COL6A6: variants seen among roughly 807,000 people sequenced by gnomAD.
The protein encoded by COL6A6 is collagen alpha-6(VI) chain.
In COL6A6, 183 loss-of-function variants were observed where a neutral mutation model predicts 208.6. The observed-to-expected ratio is 0.88, with a 90% CI of 0.78 to 0.99. The LOEUF (loss-of-function observed/expected upper bound fraction) is 0.99. Ranked by LOEUF, COL6A6 falls within the 50% of genes least tolerant of loss-of-function variation. COL6A6 has a pLI of 0.00. For synonymous variants in COL6A6, 973 were observed against 1,011.8 expected (o/e 0.96, Z 0.73); for missense variants, 2,816 against 2,815.2 (o/e 1.00, Z -0.01).
chr3:130,567,255 T>C lies in COL6A6; in HGVS notation c.1836T>C (p.Thr612=). Residue 612 remains threonine, a synonymous_variant, in exon 5 of 37, where the codon ACT becomes ACC. Transcript: ENST00000358511. The part of the protein sequence containing the change: ...IRNQVVQEIC[T]EEACKEMKAD... ...ACCAAGTTGTTCAAGAAATCTGTACTGAAGAAGGTAAGAGAAATCGTGGCT... is the reference window on the plus strand; with the variant it reads ...ACCAAGTTGTTCAAGAAATCTGTACCGAAGAAGGTAAGAGAAATCGTGGCT... The C allele has an allele frequency of 1.9e-6, 3 of 1,602,036 alleles. No homozygotes were observed. The highest frequency in any genetic ancestry group is 1.7e-6 in the Non-Finnish European group (2 of 1,172,754).
At chr3:130,552,773 G>A (rs898385950) in intron 1 of COL6A6, among the ~76,000 whole-genome samples, 1 of 152,068 alleles carries the variant, frequency 6.6e-6, no homozygotes. Context: ...GTGTTTTTGT[G>A]GTAGCCAGTA....
intron 19 of COL6A6, among the ~76,000 whole-genome samples, chr3:130,598,727 TAGAA>T (rs1423606374): frequency 1.3e-5 from 2 of 152,200 alleles, no homozygotes; most frequent in South Asian, 2.1e-4. Flanking sequence ...GGCTAGCTGA[TAGAA>T]AGAACTGTGC....
intron 1 of COL6A6, among the ~76,000 whole-genome samples, chr3:130,530,263 A>G (rs973912806): frequency 1.3e-5 from 2 of 151,544 alleles, no homozygotes; most frequent in Non-Finnish European, 2.9e-5. Context: ...AGTTGATAAA[A>G]ATACCGTCTG....
At chr3:130,621,719 T>C in intron 23 of COL6A6, 102 bp from the exon 24 acceptor site, 1 of 931,534 alleles carries the variant, frequency 1.1e-6, no homozygotes, top group Non-Finnish European at 1.7e-6. Context: ...CAGCCATAAC[T>C]CTTCTCTCGT....
At chr3:130,592,799 T>C in intron 15 of COL6A6, 77 bp downstream of exon 15, 2 of 1,333,038 alleles carry the variant, frequency 1.5e-6, no homozygotes, top group Non-Finnish European at 2.1e-6. Flanking sequence ...TATTTATCAG[T>C]AAATTATACA....
chr3:130,586,523 A>G lies in COL6A6; in HGVS notation c.3988A>G (p.Thr1330Ala). 1 of 1,613,302 alleles carries G rather than the reference A, an allele frequency of 6.2e-7. No homozygotes were observed. Residue 1330 changes from threonine to alanine, a missense_variant, in exon 11 of 37, where the codon ACT becomes GCT. Coordinates refer to ENST00000358511, the MANE Select transcript of COL6A6 (RefSeq NM_001102608.3). Reference protein sequence around the residue: ...LRKEGLNALITVALDGPADSS... With the variant: ...LRKEGLNALIAVALDGPADSS... ...TTGGATAGGCCTGAATGCCCTCATA[A>G]CTGTTGCTCTGGATGGACCTGCTGA... is the stretch of plus-strand genomic sequence containing the variant.
chr3:130,526,053 C>T (rs2061954794), intron 1 of COL6A6, among the ~76,000 whole-genome samples: 2 of 151,994 alleles, frequency 1.3e-5, no homozygotes, highest in Admixed American at 1.3e-4. Flanking sequence ...AAAGTCCCTG[C>T]TCCAAGGAGG....
chr3:130,634,679 A>C, intron 27 of COL6A6, 54 bp downstream of exon 27: 1 of 1,336,410 alleles, frequency 7.5e-7, no homozygotes, highest in Non-Finnish European at 1.1e-6. Flanking sequence ...CCTGGGGTTT[A>C]TGAAATGTAT....
rs1366806425 is a variant in COL6A6, at chr3:130,563,551, A to T, written c.548A>T (p.His183Leu). The T allele has an allele frequency of 6.2e-7, 1 of 1,613,892 alleles. No homozygotes were observed. Among genetic ancestry groups the T allele is most frequent in the Non-Finnish European group, 8.5e-7 (1 of 1,179,908 alleles). ...AAGGCCATGGCCACGTCTCAGTTTCATTTCAACCTTCGGACAGTCAGAGAC... is the reference window on the plus strand; with the variant it reads ...AAGGCCATGGCCACGTCTCAGTTTCTTTTCAACCTTCGGACAGTCAGAGAC... ...NLKAMATSQF[H>L]FNLRTVRDLS... The change falls in exon 3 of 37, where the codon CAT becomes CTT. Residue 183 changes from histidine (H) to leucine (L), a missense_variant. His to Leu is a moderately conservative substitution (Grantham distance 99, BLOSUM62 -3). Transcript: ENST00000358511.
intron 7 of COL6A6, among the ~76,000 whole-genome samples, chr3:130,573,482 T>G (rs762492409): frequency 6.6e-6 from 1 of 152,222 alleles, no homozygotes; most frequent in Non-Finnish European, 1.5e-5. Context: ...CATTTGCCTT[T>G]ATTTCCTCTA....
chr3:130,643,133 A>T (rs770831647), intron 31 of COL6A6, 110 bp downstream of exon 31: 4 of 1,096,834 alleles, frequency 3.6e-6, no homozygotes, highest in Non-Finnish European at 2.7e-6. Context: ...AAAATTGGAG[A>T]TGTCACTGCA....
At position 130,570,881 on chromosome 3, in the gene COL6A6, A is replaced by G. The variant is rs371842831; in HGVS notation, c.2465A>G (p.Tyr822Cys). The G allele has an allele frequency of 3.7e-6, 6 of 1,613,892 alleles. No homozygotes were observed. Among genetic ancestry groups the G allele is most frequent in the Middle Eastern group, 1.6e-4 (1 of 6,084 alleles). The part of the protein sequence containing the change: ...FVIDSSGSID[Y>C]DEYNIMKDFM... ...ATTGATAGCTCTGGCAGTATTGACT[A>G]TGATGAGTATAATATCATGAAGGAT... The change falls in exon 7 of 37, where the codon TAT (tyrosine) becomes TGT (cysteine). Residue 822 changes from tyrosine (Y) to cysteine (C), a missense_variant. By Grantham distance (194) the Tyr-to-Cys change is radical. Transcript: ENST00000358511.
Position 130,574,233 on chromosome 3 carries a change from G to T in COL6A6, c.3255G>T (p.Glu1085Asp). The part of the protein sequence containing the change: ...GNTHIGAALR[E>D]VEHYFRPDMG... ...CACACATCGGTGCTGCACTCAGGGA[G>T]GTGGAACATTACTTCAGGCCAGACA... The change falls in exon 8 of 37, where the codon GAG becomes GAT. Residue 1085 changes from glutamate (E) to aspartate (D), a missense_variant. Physicochemically the swap from Glu to Asp is conservative, Grantham distance 45. Coordinates refer to ENST00000358511, the MANE Select transcript of COL6A6 (RefSeq NM_001102608.3). 6.2e-7 allele frequency: 1 copy of T among 1,614,038 alleles called. No individual in the cohort carries two copies. The highest frequency in any genetic ancestry group is 8.5e-7 in the Non-Finnish European group (1 of 1,179,910).
intron 26 of COL6A6, among the ~76,000 whole-genome samples, chr3:130,628,819 G>C (rs544892820): frequency 1.4e-5 from 1 of 70,200 alleles, no homozygotes; most frequent in Non-Finnish European, 2.2e-5. Context: ...TTCCATCTGA[G>C]ACCTGCAGCT....
chr3:130,611,709 T>C (rs1482238440), intron 23 of COL6A6, among the ~76,000 whole-genome samples: 1 of 152,092 alleles, frequency 6.6e-6, no homozygotes, highest in East Asian at 1.9e-4. Flanking sequence ...TGTAAGTGGT[T>C]GTGTTTATCA....
chr3:130,561,109 A>C (rs535529060), intron 2 of COL6A6, among the ~76,000 whole-genome samples: 1 of 152,360 alleles, frequency 6.6e-6, no homozygotes, highest in East Asian at 1.9e-4. Flanking sequence ...AGTAGAAGCC[A>C]TGATTTTTCC....
In COL6A6 at chr3:130,675,643, G is replaced by A; in HGVS notation, c.*246G>A. Reference sequence around the variant, plus strand: ...GACAGAAGAATGAAAGAAGTGTTTTGAAAAGTCTAATGGAGATATAATTTG... The same window carrying A: ...GACAGAAGAATGAAAGAAGTGTTTTAAAAAGTCTAATGGAGATATAATTTG... On this transcript the variant is annotated 3_prime_UTR_variant, in exon 37 of 37. Coordinates refer to ENST00000358511, the MANE Select transcript of COL6A6 (RefSeq NM_001102608.3). The A allele has an allele frequency of 2.7e-6, 1 of 375,618 alleles. No homozygotes were observed. Among genetic ancestry groups the A allele is most frequent in the Non-Finnish European group, 4.8e-6 (1 of 209,206 alleles). The allele number at this position is 375,618 out of a possible 1,614,324, so 23.3% of individuals were successfully genotyped here.
chr3:130,530,915 C>T (rs2062065468), intron 1 of COL6A6, among the ~76,000 whole-genome samples: 1 of 152,080 alleles, frequency 6.6e-6, no homozygotes, highest in Non-Finnish European at 1.5e-5. Flanking sequence ...GAATTTCCAA[C>T]TTGTTGGCCT....
chr3:130,649,302 C>T lies in COL6A6; in HGVS notation c.5473C>T (p.Leu1825Phe). 6.2e-7 allele frequency: 1 copy of T among 1,606,580 alleles called. No individual in the cohort carries two copies. The highest frequency in any genetic ancestry group is 2.2e-5 in the East Asian group (1 of 44,698). The change falls in exon 33 of 37, where the codon CTC becomes TTC. Residue 1825 changes from leucine (L) to phenylalanine (F), a missense_variant. Physicochemically the swap from Leu to Phe is conservative, Grantham distance 22. Coordinates refer to ENST00000358511, the MANE Select transcript of COL6A6 (RefSeq NM_001102608.3). ...AGACGCCTACAAGAAGAGTCAACTT[C>T]TCAGAGAAATTGAAACTATTCCTTA... The part of the protein sequence containing the change: ...FSDAYKKSQL[L>F]REIETIPYER...
Sources: gnomAD v4.1 joint callset for allele counts (sites outside exome capture counted in the v4.1 genomes callset) on GRCh38, gnomAD v4.1.1 for gene constraint, MANE v1.5 for transcripts, NCBI Gene and HGNC (gene_info 2026-07-23, HGNC 2026-07-21) for gene names.